The following BRMS1L variants were observed in gnomAD, a reference collection of about 807,000 sequenced individuals.
The protein encoded by BRMS1L is BRMS1 like transcriptional repressor.
A neutral mutation model predicts 50.3 loss-of-function variants in BRMS1L; 23 were observed. The observed-to-expected ratio is 0.46, with a 90% CI of 0.33 to 0.65. The LOEUF (loss-of-function observed/expected upper bound fraction) is 0.65, where lower values mean the gene tolerates loss of function less well. Ranked by LOEUF, BRMS1L falls within the 30% of genes least tolerant of loss-of-function variation. The pLI, the probability that BRMS1L is intolerant of heterozygous loss-of-function variation, is 0.02. For synonymous variants in BRMS1L, 114 were observed against 126.9 expected (o/e 0.90, Z 0.69); for missense variants, 286 against 386.1 (o/e 0.74, Z 2.17).
chr14:35,840,128 CAT>C lies in BRMS1L; in HGVS notation c.441+5206_441+5207del, dbSNP rs1029960117. Among the ~76,000 whole-genome samples the C allele has an allele frequency of 1.2e-4, 19 of 152,248 alleles. No individual in the cohort carries two copies. The East Asian group carries it at 1.3e-3, about 11-fold the overall frequency. On this transcript the variant is annotated intron_variant, in intron 4 of 9. Transcript: ENST00000216807. ...CATTTTCTGCATCTATTGAGATAAT[CAT>C]GTGGTTTTTGTCATTGGTCCTGTTT...
intron 4 of BRMS1L, among the ~76,000 whole-genome samples, chr14:35,838,550 T>G (rs2078021902): frequency 6.6e-6 from 1 of 152,262 alleles, no homozygotes; most frequent in African/African-American, 2.4e-5. Context: ...TTCCTGACTT[T>G]TTAATGATCA....
At chr14:35,836,081 C>A (rs551641615) in intron 4 of BRMS1L, among the ~76,000 whole-genome samples, 5 of 152,010 alleles carry the variant, frequency 3.3e-5, no homozygotes, top group Non-Finnish European at 5.9e-5. Context: ...ATCTTTTTGG[C>A]GTTTACTAGC....
rs746820547 is a variant in BRMS1L, at chr14:35,831,422, A to G, written c.155A>G (p.Glu52Gly). The change falls in exon 2 of 10, where the codon GAA becomes GGA. Residue 52 changes from glutamate (E) to glycine (G), a missense_variant. Physicochemically the swap from Glu to Gly is moderately conservative, Grantham distance 98. Transcript: ENST00000216807. ...EDGDSSEMDD[E>G]DCERRRMECL... is the part of the protein sequence containing the mutation. The stretch of plus-strand genomic sequence containing the variant: ...TTTTTATTAACAGAAATGGATGATG[A>G]AGACTGTGAAAGAAGAAGAATGGAA... The G allele has an allele frequency of 7.4e-6, 12 of 1,612,832 alleles. No homozygotes were observed. The highest frequency in any genetic ancestry group is 9.3e-6 in the Non-Finnish European group (11 of 1,178,972).
chr14:35,856,963 G>T (rs776630023), intron 4 of BRMS1L, among the ~76,000 whole-genome samples: 1 of 151,942 alleles, frequency 6.6e-6, no homozygotes, highest in East Asian at 1.9e-4. Flanking sequence ...TGTTGTGGCC[G>T]GGCACGGTGG....
rs2078490625 is a variant in BRMS1L at position 35,871,443 on chromosome 14, T to C, written c.*966T>C. On this transcript the variant is annotated 3_prime_UTR_variant, in exon 10 of 10. Coordinates refer to ENST00000216807, the MANE Select transcript of BRMS1L (RefSeq NM_032352.4). ...ATTTCTACACTTTAAGGCCATTTGG[T>C]GCAATTTAGAAAGTGTTGGCCTCCC... 6.6e-6 allele frequency: 1 copy of C among 152,664 alleles called. No individual in the cohort carries two copies. The highest frequency in any genetic ancestry group is 6.5e-5 in the Admixed American group (1 of 15,286). 9.5% of individuals were successfully genotyped at this position (152,664 alleles called of 1,614,324 possible). A position where few individuals can be genotyped will look rare whatever the true frequency, so the allele number is the denominator to read the frequency against.
At chr14:35,864,395 G>T (rs2078393965) in intron 6 of BRMS1L, among the ~76,000 whole-genome samples, 1 of 152,018 alleles carries the variant, frequency 6.6e-6, no homozygotes, top group African/African-American at 2.4e-5. Flanking sequence ...CCAAGTAGCT[G>T]GGACTACAGG....
At chr14:35,851,856 G>T (rs1238211161) in intron 4 of BRMS1L, among the ~76,000 whole-genome samples, 3 of 152,164 alleles carry the variant, frequency 2.0e-5, no homozygotes, top group African/African-American at 7.2e-5. Flanking sequence ...GCACTCCCTT[G>T]TTCATTGTAG....
intron 1 of BRMS1L, among the ~76,000 whole-genome samples, chr14:35,827,095 C>G (rs1181243722): frequency 6.6e-6 from 1 of 152,246 alleles, no homozygotes; most frequent in Non-Finnish European, 1.5e-5. Context: ...TGCAAGTCAA[C>G]TTGCCGGTCA....
At chr14:35,867,879 T>A (rs773347882) in intron 8 of BRMS1L, 27 bp from the exon 9 acceptor site, 3 of 1,547,530 alleles carry the variant, frequency 1.9e-6, no homozygotes, top group Non-Finnish European at 2.6e-6. Flanking sequence ...TTTATTAATA[T>A]AACAGTTTTT....
chr14:35,862,754 C>G (rs1292627419), intron 5 of BRMS1L, 68 bp downstream of exon 5: 7 of 973,714 alleles, frequency 7.2e-6, no homozygotes, highest in African/African-American at 3.3e-5. Context: ...AGTGTCATAT[C>G]GTATCTCAGT....
rs1427849356 is a variant in BRMS1L at position 35,826,600 on chromosome 14, C to A, written c.84C>A (p.Ser28Arg). Reference sequence around the variant, plus strand: ...TGGACTACGCCGAAAATGAGGGGAGCAGCTCCGAGGACGAGGACACTGAGA... The same window carrying A: ...TGGACTACGCCGAAAATGAGGGGAGAAGCTCCGAGGACGAGGACACTGAGA... ...MEVDYAENEG[S>R]SSEDEDTESS... The change falls in exon 1 of 10, where the codon AGC (serine) becomes AGA (arginine). Residue 28 changes from serine to arginine, a missense_variant. By Grantham distance (110) the Ser-to-Arg change is moderately radical. Coordinates refer to ENST00000216807, the MANE Select transcript of BRMS1L (RefSeq NM_032352.4). 6.2e-7 allele frequency: 1 copy of A among 1,611,794 alleles called. No individual in the cohort carries two copies. Among genetic ancestry groups the A allele is most frequent in the Non-Finnish European group, 8.5e-7 (1 of 1,179,306 alleles).
chr14:35,868,143 G>A, intron 9 of BRMS1L, 111 bp downstream of exon 9: 1 of 1,115,474 alleles, frequency 9.0e-7, no homozygotes, highest in Admixed American at 2.7e-5. Flanking sequence ...GTTGCTTGTG[G>A]ATCCTTTTTT....
intron 9 of BRMS1L, among the ~76,000 whole-genome samples, chr14:35,869,919 A>G (rs2078467384): frequency 6.6e-6 from 1 of 152,168 alleles, no homozygotes; most frequent in Non-Finnish European, 1.5e-5. Flanking sequence ...AGATCTTTTT[A>G]TGTAAAGATT....
At chr14:35,845,464 G>T (rs993609659) in intron 4 of BRMS1L, among the ~76,000 whole-genome samples, 4 of 152,092 alleles carry the variant, frequency 2.6e-5, no homozygotes, top group Non-Finnish European at 4.4e-5. Flanking sequence ...TATTGAATTA[G>T]TCGTGGTTTT....
intron 8 of BRMS1L, among the ~76,000 whole-genome samples, chr14:35,867,010 C>T (rs1415533316): frequency 2.0e-5 from 3 of 152,148 alleles, no homozygotes; most frequent in East Asian, 1.9e-4. Flanking sequence ...TCCACAAAGG[C>T]TAGAACCATA....
chr14:35,863,400 T>C (rs1035618538), intron 5 of BRMS1L, among the ~76,000 whole-genome samples: 1 of 152,194 alleles, frequency 6.6e-6, no homozygotes, highest in South Asian at 2.1e-4. Context: ...ACTTTATCTG[T>C]TATAAAGTTT....
intron 4 of BRMS1L, among the ~76,000 whole-genome samples, chr14:35,856,986 A>AT (rs1272327357): frequency 6.6e-6 from 1 of 152,024 alleles, no homozygotes; most frequent in Non-Finnish European, 1.5e-5. Flanking sequence ...TATGCCTGTA[A>AT]TCCCAGCACT....
chr14:35,843,458 G>A (rs1415745339), intron 4 of BRMS1L, among the ~76,000 whole-genome samples: 1 of 152,188 alleles, frequency 6.6e-6, no homozygotes, highest in Non-Finnish European at 1.5e-5. Context: ...AGGTCTGCTG[G>A]AGTTTGCTGG....
chr14:35,832,783 A>G (rs1235661109), intron 2 of BRMS1L, among the ~76,000 whole-genome samples, 195 bp from the exon 3 acceptor site: 1 of 152,188 alleles, frequency 6.6e-6, no homozygotes, highest in Non-Finnish European at 1.5e-5. Flanking sequence ...AGAGTGATAG[A>G]TAGATACCTG....
Sources: allele counts gnomAD v4.1 joint callset (sites outside exome capture counted in the v4.1 genomes callset), GRCh38; gene constraint gnomAD v4.1.1; transcripts MANE v1.5; gene names NCBI Gene and HGNC (gene_info 2026-07-23, HGNC 2026-07-21).